Variants in WWOX observed in about 807,000 individuals in gnomAD.
WWOX encodes WW domain containing oxidoreductase.
In WWOX, 69 loss-of-function variants were observed where a neutral mutation model predicts 46.2. The ratio of observed to expected loss-of-function variants is 1.49; its 90% CI spans 1.23 to 1.82. The LOEUF (loss-of-function observed/expected upper bound fraction) is 1.82, where lower values mean the gene tolerates loss of function less well. Ranked by LOEUF, WWOX falls within the 40% of genes most tolerant of loss-of-function variation. The pLI, the probability that WWOX is intolerant of heterozygous loss-of-function variation, is 0.00. For synonymous variants in WWOX, 359 were observed against 202.6 expected, an observed-to-expected ratio of 1.77 and a Z score of -6.56; for missense variants, 919 against 542.6, an observed-to-expected ratio of 1.69 and a Z score of -6.89.
intron 8 of WWOX, among the ~76,000 whole-genome samples, chr16:78,493,594 A>G (rs533779878): frequency 6.6e-6 from 1 of 152,342 alleles, no homozygotes; most frequent in East Asian, 1.9e-4. Flanking sequence ...GTTCTGATTA[A>G]TGACACCGCA....
Position 78,316,397 on chromosome 16 carries a change from A to G in WWOX, c.517-70463A>G, listed in dbSNP as rs577022789. Among the ~76,000 whole-genome samples, 6 of 151,858 alleles carry G rather than the reference A, an allele frequency of 4.0e-5. No individual in the cohort carries two copies. The South Asian group carries it at 1.3e-3, about 32-fold the overall frequency. On this transcript the variant is annotated intron_variant, in intron 5 of 8. Coordinates refer to ENST00000566780, the MANE Select transcript of WWOX (RefSeq NM_016373.4). ...CTCTTGTCACCTGGGCTGGGGTGCAATGGCGTGATCTTGGCTCACTGCAAC... is the reference window on the plus strand; with the variant it reads ...CTCTTGTCACCTGGGCTGGGGTGCAGTGGCGTGATCTTGGCTCACTGCAAC...
chr16:78,174,100 A>G (rs190270550), intron 5 of WWOX, among the ~76,000 whole-genome samples: 1 of 152,332 alleles, frequency 6.6e-6, no homozygotes, highest in Non-Finnish European at 1.5e-5. Context: ...GGGTTTCACC[A>G]TAATAATTTT....
chr16:78,443,506 A>G (rs905597714), intron 8 of WWOX, among the ~76,000 whole-genome samples: 13 of 152,150 alleles, frequency 8.5e-5, no homozygotes, highest in Non-Finnish European at 1.6e-4. Context: ...AGAGAGGGAA[A>G]CTAGATCTGC....
At chr16:78,891,000 T>A (rs2044577805) in intron 8 of WWOX, 1 of 152,170 alleles carries the variant, frequency 6.6e-6, no homozygotes, top group Non-Finnish European at 1.5e-5. Context: ...TCTGACAAAT[T>A]TTTAGTAAAT....
At chr16:78,403,718 C>G (rs537284566) in intron 6 of WWOX, among the ~76,000 whole-genome samples, 43 of 152,322 alleles carry the variant, frequency 2.8e-4, no homozygotes, top group Non-Finnish European at 5.6e-4. Context: ...GATTGTCCCA[C>G]AAGGAAAGCA....
intron 8 of WWOX, among the ~76,000 whole-genome samples, chr16:79,133,391 G>C (rs994523787): frequency 8.5e-5 from 13 of 152,202 alleles, no homozygotes; most frequent in African/African-American, 2.7e-4. Context: ...TGGGAGCAAA[G>C]ATTGATGTCA....
intron 8 of WWOX, among the ~76,000 whole-genome samples, chr16:78,450,347 A>G (rs971029806): frequency 1.1e-4 from 17 of 152,216 alleles, no homozygotes; most frequent in Admixed American, 2.0e-4. Context: ...ATCCACGAGA[A>G]TGTATGGTGT....
At chr16:78,822,875 A>G (rs1031309021) in intron 8 of WWOX, among the ~76,000 whole-genome samples, 9 of 152,182 alleles carry the variant, frequency 5.9e-5, no homozygotes, top group Non-Finnish European at 8.8e-5. Context: ...AAGAGCTAAA[A>G]AAGATTCCTA....
chr16:79,088,259 T>A (rs1000583803), intron 8 of WWOX, among the ~76,000 whole-genome samples: 5 of 152,140 alleles, frequency 3.3e-5, no homozygotes, highest in African/African-American at 1.2e-4. Flanking sequence ...AGCCTGTGGA[T>A]GGGACGTTTT....
At chr16:78,265,138 T>C (rs1263949364) in intron 5 of WWOX, among the ~76,000 whole-genome samples, 2 of 151,934 alleles carry the variant, frequency 1.3e-5, no homozygotes, top group East Asian at 3.9e-4. Context: ...GTTGCTGGGA[T>C]TACAGGTGCA....
chr16:78,178,961 A>C (rs191186968), intron 5 of WWOX, among the ~76,000 whole-genome samples: 24 of 152,236 alleles, frequency 1.6e-4, no homozygotes, highest in African/African-American at 5.8e-4. Flanking sequence ...GAGCTGGTCA[A>C]ATGTTTACAT....
At chr16:78,752,522 A>G (rs2142455001) in intron 8 of WWOX, among the ~76,000 whole-genome samples, 1 of 152,180 alleles carries the variant, frequency 6.6e-6, no homozygotes, top group East Asian at 1.9e-4. Context: ...TCCTGACCTC[A>G]GGCTTCCCAA....
chr16:78,437,841 C>G (rs1204934600), intron 8 of WWOX, among the ~76,000 whole-genome samples: 1 of 152,188 alleles, frequency 6.6e-6, no homozygotes, highest in Non-Finnish European at 1.5e-5. Context: ...TTTCTTGACT[C>G]TAGAGCATTC....
At chr16:78,301,117 A>C (rs191448094) in intron 5 of WWOX, among the ~76,000 whole-genome samples, 12 of 152,298 alleles carry the variant, frequency 7.9e-5, no homozygotes, top group African/African-American at 2.4e-4. Flanking sequence ...CCTAAAACTA[A>C]AGGCATTGCT....
chr16:78,751,221 A>C (rs796327242), intron 8 of WWOX, among the ~76,000 whole-genome samples: 1 of 152,024 alleles, frequency 6.6e-6, no homozygotes, highest in Non-Finnish European at 1.5e-5. Flanking sequence ...TTCGAACTAC[A>C]TATCAGAAAT....
chr16:78,346,977 G>A (rs934025634), intron 5 of WWOX, among the ~76,000 whole-genome samples: 1 of 118,992 alleles, frequency 8.4e-6, no homozygotes, highest in South Asian at 2.5e-4. Context: ...TGCCTGCCTC[G>A]GCCTCCCAAA....
intron 8 of WWOX, among the ~76,000 whole-genome samples, chr16:79,010,820 G>C (rs963128024): frequency 6.6e-6 from 1 of 151,394 alleles, no homozygotes; most frequent in Non-Finnish European, 1.5e-5. Flanking sequence ...TGGGGCGGGG[G>C]TGGGGGTTCA....
intron 8 of WWOX, among the ~76,000 whole-genome samples, chr16:79,015,278 G>C (rs144229071): frequency 7.5e-4 from 114 of 152,306 alleles, no homozygotes; most frequent in African/African-American, 2.4e-3. Flanking sequence ...AATGGGGTCA[G>C]AGGAAGCTCA....
At chr16:78,710,862 C>T (rs1355583914) in intron 8 of WWOX, among the ~76,000 whole-genome samples, 4 of 152,090 alleles carry the variant, frequency 2.6e-5, no homozygotes, top group Non-Finnish European at 4.4e-5. Flanking sequence ...AGCGATCCTA[C>T]TCACTCGGCC....
Sources: gnomAD v4.1 joint callset for allele counts (sites outside exome capture counted in the v4.1 genomes callset) on GRCh38, gnomAD v4.1.1 for gene constraint, MANE v1.5 for transcripts, NCBI Gene and HGNC (gene_info 2026-07-23, HGNC 2026-07-21) for gene names.